KLF12: variants seen among roughly 807,000 people sequenced by gnomAD.
KLF12 encodes Krueppel-like factor 12.
In KLF12, 9 loss-of-function variants were observed where a neutral mutation model predicts 37.8. The ratio of observed to expected loss-of-function variants is 0.24; its 90% CI spans 0.14 to 0.42. The LOEUF is 0.42. Among genes scored for constraint, KLF12 ranks in the 10% least tolerant of loss-of-function variants. The pLI, the probability that KLF12 is intolerant of heterozygous loss-of-function variation, is 1.00. For synonymous variants in KLF12, 208 were observed against 202.1 expected, an observed-to-expected ratio of 1.03 and a Z score of -0.25; for missense variants, 411 against 516.0, an observed-to-expected ratio of 0.80 and a Z score of 1.97.
At chr13:74,121,751 C>T (rs1877646019) in intron 1 of KLF12, among the ~76,000 whole-genome samples, 1 of 151,682 alleles carries the variant, frequency 6.6e-6, no homozygotes. Flanking sequence ...TAAAATATTC[C>T]TCACATATGA....
chr13:73,749,599 C>A (rs1878607659), intron 6 of KLF12, among the ~76,000 whole-genome samples: 1 of 152,060 alleles, frequency 6.6e-6, no homozygotes, highest in Non-Finnish European at 1.5e-5. Context: ...TTTCACTCAG[C>A]CATGAAGAAC....
chr13:74,272,064 A>C, the KLF12 span, among the ~76,000 whole-genome samples: 1 of 152,190 alleles, frequency 6.6e-6, no homozygotes, highest in African/African-American at 2.4e-5. Flanking sequence ...TTATTTATTT[A>C]TTTTTTGCTG....
chr13:74,091,512 A>C (rs576862987), intron 1 of KLF12, among the ~76,000 whole-genome samples: 71 of 152,102 alleles, frequency 4.7e-4, no homozygotes, highest in Non-Finnish European at 9.4e-4. Context: ...TTAATATTTC[A>C]TTTCTTTTTA....
intron 3 of KLF12, among the ~76,000 whole-genome samples, chr13:73,884,524 C>T (rs750229619): frequency 2.6e-5 from 4 of 152,218 alleles, no homozygotes; most frequent in Non-Finnish European, 5.9e-5. Context: ...TCTGGCCATA[C>T]CCCTCACCAC....
chr13:74,265,312 C>T, the KLF12 span, among the ~76,000 whole-genome samples: 1 of 152,142 alleles, frequency 6.6e-6, no homozygotes, highest in African/African-American at 2.4e-5. Flanking sequence ...TTTATTCGTG[C>T]TTTCCCTAAT....
the KLF12 span, among the ~76,000 whole-genome samples, chr13:74,195,080 G>C: frequency 6.6e-6 from 1 of 152,220 alleles, no homozygotes; most frequent in South Asian, 2.1e-4. Flanking sequence ...TCTGTGGTTG[G>C]TCCTTTGGCC....
At chr13:73,843,281 T>C (rs916470605) in intron 4 of KLF12, among the ~76,000 whole-genome samples, 4 of 152,108 alleles carry the variant, frequency 2.6e-5, no homozygotes, top group Admixed American at 1.3e-4. Flanking sequence ...TGATAATTGA[T>C]GGATGCTAGA....
chr13:73,786,042 G>A (rs575223081), intron 5 of KLF12, among the ~76,000 whole-genome samples: 1 of 151,808 alleles, frequency 6.6e-6, no homozygotes, highest in Non-Finnish European at 1.5e-5. Context: ...GCAAGACAGA[G>A]GTGAGCAGTG....
At chr13:74,183,958 G>A in the KLF12 span, among the ~76,000 whole-genome samples, 3 of 152,134 alleles carry the variant, frequency 2.0e-5, no homozygotes, top group Non-Finnish European at 1.5e-5. Flanking sequence ...TACATTTTAA[G>A]AGCATTTATA....
intron 4 of KLF12, among the ~76,000 whole-genome samples, chr13:73,842,825 C>T (rs1475901038): frequency 2.6e-5 from 4 of 151,802 alleles, no homozygotes; most frequent in African/African-American, 4.8e-5. Context: ...ACTGGCTCAC[C>T]GCCCAGCTGC....
chr13:74,201,379 C>T, the KLF12 span, among the ~76,000 whole-genome samples: 1 of 152,000 alleles, frequency 6.6e-6, no homozygotes, highest in Non-Finnish European at 1.5e-5. Context: ...AAATCCTTTT[C>T]CTTTTCTTCC....
intron 3 of KLF12, among the ~76,000 whole-genome samples, chr13:73,912,619 T>C (rs1382474320): frequency 2.0e-5 from 3 of 152,076 alleles, no homozygotes; most frequent in African/African-American, 7.2e-5. Context: ...CTCCTACAGG[T>C]TTCAGAGAGC....
the KLF12 span, among the ~76,000 whole-genome samples, chr13:74,162,367 A>C: frequency 3.3e-5 from 5 of 152,242 alleles, no homozygotes; most frequent in African/African-American, 1.2e-4. Flanking sequence ...AGAGACTTTG[A>C]CCAATGTCTC....
intron 1 of KLF12, among the ~76,000 whole-genome samples, chr13:74,126,647 A>G (rs1877960069): frequency 6.6e-6 from 1 of 152,166 alleles, no homozygotes; most frequent in African/African-American, 2.4e-5. Context: ...AAGCAATAAA[A>G]TTTTCCAAAT....
rs180698419 is a variant in KLF12 at position 73,895,866 on chromosome 13, G to A, written c.123+48115C>T. On this transcript the variant is annotated intron_variant, in intron 3 of 7. Transcript: ENST00000377669. Reference sequence around the variant, plus strand: ...GACAGAATCTCGCTCTGTCACACAGGCTGGAGTGCAGTGGAGTGATCTGGG... The same window carrying A: ...GACAGAATCTCGCTCTGTCACACAGACTGGAGTGCAGTGGAGTGATCTGGG... Among the ~76,000 whole-genome samples the A allele has an allele frequency of 4.6e-5, 7 of 151,474 alleles. No homozygotes were observed. In the East Asian group the frequency reaches 1.4e-3, roughly 29 times the overall value.
chr13:73,758,943 T>C (rs1344617083), intron 6 of KLF12, among the ~76,000 whole-genome samples: 2 of 152,228 alleles, frequency 1.3e-5, no homozygotes, highest in East Asian at 3.9e-4. Flanking sequence ...AACATAAGTC[T>C]GAAGTGTAAG....
chr13:73,738,116 T>TACACACACATATATGTATGTGTAC lies in KLF12; in HGVS notation c.870-22592_870-22591insGTACACATACATATATGTGTGTGT, dbSNP rs1566331275. Among the ~76,000 whole-genome samples the TACACACACATATATGTATGTGTAC allele has an allele frequency of 4.4e-4, 29 of 66,576 alleles. 1 individual carries two copies. Among genetic ancestry groups the TACACACACATATATGTATGTGTAC allele is most frequent in the Non-Finnish European group, 6.6e-4 (23 of 34,908 alleles). The allele number at this position is 66,576 out of a possible 152,430, so 43.7% of individuals were successfully genotyped here. ...ACATATATATATATATATATATATATATATATATACACACACACACATATA... is the reference window on the plus strand; with the variant it reads ...ACATATATATATATATATATATATATACACACACATATATGTATGTGTACATATATATACACACACACACATATA... On this transcript the variant is annotated intron_variant, in intron 6 of 7. Coordinates refer to ENST00000377669, the MANE Select transcript of KLF12 (RefSeq NM_007249.5).
intron 4 of KLF12, among the ~76,000 whole-genome samples, chr13:73,824,152 T>C (rs907769547): frequency 6.6e-6 from 1 of 151,960 alleles, no homozygotes; most frequent in South Asian, 2.1e-4. Flanking sequence ...CTATCAAAGT[T>C]TTCTTTCTCA....
the KLF12 span, among the ~76,000 whole-genome samples, chr13:74,294,971 C>A: frequency 6.6e-6 from 1 of 152,152 alleles, no homozygotes; most frequent in East Asian, 1.9e-4. Flanking sequence ...TGCTGGCTCC[C>A]CTTGCTTAAA....
Sources: allele counts gnomAD v4.1 joint callset (sites outside exome capture counted in the v4.1 genomes callset), GRCh38; gene constraint gnomAD v4.1.1; transcripts MANE v1.5; gene names NCBI Gene and HGNC (gene_info 2026-07-23, HGNC 2026-07-21).